The following PRKG1 variants were observed in gnomAD, a reference collection of about 807,000 sequenced individuals.
The protein encoded by PRKG1 is cGMP-dependent protein kinase 1.
A neutral mutation model predicts 88.1 loss-of-function variants in PRKG1; 35 were observed. The observed-to-expected ratio is 0.40, with a 90% confidence interval of 0.30 to 0.53. PRKG1 has a LOEUF of 0.53. PRKG1 is among the 20% of genes least tolerant of loss of function. PRKG1 has a pLI of 0.59. For synonymous variants in PRKG1, 303 were observed against 292.5 expected (o/e 1.04, Z -0.37); for missense variants, 540 against 839.8 (o/e 0.64, Z 4.41).
At chr10:51,490,167 T>A (rs1840668244) in intron 3 of PRKG1, among the ~76,000 whole-genome samples, 2 of 152,254 alleles carry the variant, frequency 1.3e-5, no homozygotes, top group Admixed American at 6.5e-5. Flanking sequence ...CTCTGACTGA[T>A]TTGAACAAAG....
chr10:51,560,878 T>C (rs1320430490), intron 3 of PRKG1, among the ~76,000 whole-genome samples: 1 of 152,186 alleles, frequency 6.6e-6, no homozygotes, highest in East Asian at 1.9e-4. Flanking sequence ...ATAATTTATT[T>C]CAATAGTATA....
chr10:51,868,752 T>C (rs1311281994), intron 4 of PRKG1, among the ~76,000 whole-genome samples: 3 of 152,162 alleles, frequency 2.0e-5, no homozygotes, highest in Non-Finnish European at 4.4e-5. Context: ...ATAAATAATA[T>C]GGACTTCCTT....
intron 2 of PRKG1, among the ~76,000 whole-genome samples, chr10:51,177,213 T>C (rs1837218137): frequency 6.6e-6 from 1 of 152,200 alleles, no homozygotes; most frequent in Non-Finnish European, 1.5e-5. Flanking sequence ...CAGATTACAT[T>C]CCTTCACAAT....
At chr10:52,000,035 G>A (rs1242188379) in intron 5 of PRKG1, among the ~76,000 whole-genome samples, 1 of 151,794 alleles carries the variant, frequency 6.6e-6, no homozygotes, top group Non-Finnish European at 1.5e-5. Context: ...ATTTTTTAAT[G>A]CATTTTCATG....
chr10:51,032,213 C>T (rs1175077584), intron 1 of PRKG1, among the ~76,000 whole-genome samples: 3 of 152,084 alleles, frequency 2.0e-5, no homozygotes, highest in Non-Finnish European at 4.4e-5. Context: ...CAATTCCTGC[C>T]TCTCTGAGGA....
intron 5 of PRKG1, among the ~76,000 whole-genome samples, chr10:51,914,857 A>G (rs1276966091): frequency 6.6e-6 from 1 of 152,234 alleles, no homozygotes; most frequent in Non-Finnish European, 1.5e-5. Context: ...TGGGCAAATA[A>G]CATTTCTTAC....
In PRKG1 at chr10:51,676,368, AC is replaced by A. The variant is rs1300739009; in HGVS notation, c.593-128215del. Among the ~76,000 whole-genome samples the A allele has an allele frequency of 2.6e-5, 4 of 151,560 alleles. No individual in the cohort carries two copies. In the East Asian group the frequency reaches 7.7e-4, roughly 29 times the overall value. On this transcript the variant is annotated intron_variant, in intron 3 of 17. Transcript: ENST00000373980. Reference sequence around the variant, plus strand: ...GCATTGGTTCAGGCCAAACAAAGAAACCAAACAATCCTTCATCTAAAATTTA... The same window carrying A: ...GCATTGGTTCAGGCCAAACAAAGAAACAAACAATCCTTCATCTAAAATTTA...
At chr10:51,814,173 C>A (rs772745642) in intron 4 of PRKG1, among the ~76,000 whole-genome samples, 16 of 152,266 alleles carry the variant, frequency 1.1e-4, no homozygotes, top group South Asian at 4.1e-4. Flanking sequence ...TTAGGCTATG[C>A]TCTGTGATCT....
intron 9 of PRKG1, among the ~76,000 whole-genome samples, chr10:52,166,435 T>TTC: frequency 7.0e-6 from 1 of 142,902 alleles, no homozygotes; most frequent in East Asian, 2.0e-4. Flanking sequence ...ATATAATTTT[T>TTC]TTTTTTTTTT....
chr10:51,490,489 T>C (rs1290458441), intron 3 of PRKG1, among the ~76,000 whole-genome samples: 4 of 152,122 alleles, frequency 2.6e-5, no homozygotes, highest in East Asian at 1.9e-4. Context: ...CTCTTATGCA[T>C]CAGTCTCTTT....
chr10:51,951,970 A>C (rs1843195656), intron 5 of PRKG1, among the ~76,000 whole-genome samples: 1 of 152,226 alleles, frequency 6.6e-6, no homozygotes, highest in Admixed American at 6.5e-5. Flanking sequence ...TTCAGTGTTC[A>C]TAAAGGTGTT....
At chr10:52,040,445 G>C (rs1185980474) in intron 5 of PRKG1, among the ~76,000 whole-genome samples, 9 of 152,166 alleles carry the variant, frequency 5.9e-5, no homozygotes, top group African/African-American at 1.9e-4. Context: ...AGTTTAATTA[G>C]GTGGAGTAGA....
rs185919805 is a variant in PRKG1, at chr10:51,886,192, C to T, written c.699-21315C>T. On this transcript the variant is annotated intron_variant, in intron 4 of 17. Transcript: ENST00000373980. ...AGGCATGGCCACCATGCCTGGCTCC[C>T]GAGTAAGGATACTTAATATGTATTT... Among the ~76,000 whole-genome samples, 878 of 152,176 alleles carry T rather than the reference C, an allele frequency of 5.8e-3. 7 individuals carry two copies. Among genetic ancestry groups the T allele is most frequent in the African/African-American group, 0.018 (748 of 41,528 alleles).
chr10:51,777,595 A>G (rs1487294455), intron 3 of PRKG1, among the ~76,000 whole-genome samples: 1 of 152,116 alleles, frequency 6.6e-6, no homozygotes, highest in East Asian at 1.9e-4. Context: ...ATTTGTTATA[A>G]TTGACATACC....
chr10:52,013,000 T>G (rs1351870254), intron 5 of PRKG1, among the ~76,000 whole-genome samples: 3 of 152,170 alleles, frequency 2.0e-5, no homozygotes, highest in Non-Finnish European at 4.4e-5. Context: ...ATTAGAGCTA[T>G]TTGAGTGAGT....
At chr10:51,279,286 G>A (rs570770788) in intron 2 of PRKG1, among the ~76,000 whole-genome samples, 182 of 152,292 alleles carry the variant, frequency 1.2e-3, no homozygotes, top group African/African-American at 4.3e-3. Flanking sequence ...TCTTAATCCT[G>A]AGTTCTAGTT....
At chr10:51,801,808 T>C (rs1564652565) in intron 3 of PRKG1, among the ~76,000 whole-genome samples, 1 of 152,148 alleles carries the variant, frequency 6.6e-6, no homozygotes, top group Non-Finnish European at 1.5e-5. Context: ...TTTAGAGGTC[T>C]CAGAGTAATG....
chr10:51,057,630 T>C (rs1414053292), intron 1 of PRKG1, among the ~76,000 whole-genome samples: 1 of 152,176 alleles, frequency 6.6e-6, no homozygotes, highest in Non-Finnish European at 1.5e-5. Context: ...ATGTGATATA[T>C]ATTCATTTAT....
At chr10:52,172,572 CT>C (rs1838733366) in intron 9 of PRKG1, among the ~76,000 whole-genome samples, 2 of 152,182 alleles carry the variant, frequency 1.3e-5, no homozygotes, top group African/African-American at 4.8e-5. Context: ...AGAATAATAC[CT>C]TTTATATCCC....
Sources: allele counts gnomAD v4.1 joint callset (sites outside exome capture counted in the v4.1 genomes callset), GRCh38; gene constraint gnomAD v4.1.1; transcripts MANE v1.5; gene names NCBI Gene and HGNC (gene_info 2026-07-23, HGNC 2026-07-21).